The following ERN1 variants were observed in gnomAD, a reference collection of about 807,000 sequenced individuals.
ERN1 encodes the protein serine/threonine-protein kinase/endoribonuclease IRE1.
ERN1 carries 39 observed loss-of-function variants against 113.1 expected under a neutral mutation model. The ratio of observed to expected loss-of-function variants is 0.34; its 90% CI spans 0.27 to 0.45. The LOEUF is 0.45. Among genes scored for constraint, ERN1 ranks in the 20% least tolerant of loss-of-function variants. ERN1 has a pLI of 1.00. For synonymous variants in ERN1, 507 were observed against 515.9 expected, an observed-to-expected ratio of 0.98 and a Z score of 0.23; for missense variants, 976 against 1,274.8, an observed-to-expected ratio of 0.77 and a Z score of 3.57.
intron 7 of ERN1, among the ~76,000 whole-genome samples, chr17:64,067,317 T>C (rs1177538258): frequency 6.6e-6 from 1 of 150,782 alleles, no homozygotes; most frequent in Non-Finnish European, 1.5e-5. Context: ...GGGACAGCTG[T>C]GGTGGCTCAT....
chr17:64,046,881 A>G (rs747753636), intron 19 of ERN1, among the ~76,000 whole-genome samples: 2 of 152,260 alleles, frequency 1.3e-5, no homozygotes, highest in Non-Finnish European at 1.5e-5. Context: ...CAATTCATAC[A>G]TGGAAGACTT....
In ERN1 at chr17:64,044,357, C is replaced by A. The variant is rs1189459679; in HGVS notation, c.2722-157G>T. Among the ~76,000 whole-genome samples, 3 of 152,220 alleles carry A rather than the reference C, an allele frequency of 2.0e-5. No homozygotes were observed. Among genetic ancestry groups the A allele is most frequent in the African/African-American group, 7.2e-5 (3 of 41,448 alleles). On this transcript the variant is annotated intron_variant, in intron 21 of 21. Coordinates refer to ENST00000433197, the MANE Select transcript of ERN1 (RefSeq NM_001433.5). The surrounding 1 kb of genome is among the most constrained non-coding windows in gnomAD (Gnocchi z 4.1). ...AAGGCTTATGTATCCAAGAATCCAG[C>A]CCCGTCATCTCGCCTGCTACCCTCA...
chr17:64,073,735 C>A (rs544090192), intron 5 of ERN1, among the ~76,000 whole-genome samples: 8 of 152,312 alleles, frequency 5.3e-5, no homozygotes, highest in African/African-American at 1.9e-4. Flanking sequence ...TCGTGATCTG[C>A]CCGCCTCAGC....
intron 1 of ERN1, among the ~76,000 whole-genome samples, chr17:64,103,714 A>G (rs541561075): frequency 5.3e-5 from 8 of 152,194 alleles, no homozygotes; most frequent in Non-Finnish European, 8.8e-5. Context: ...CTACTTATAT[A>G]TATTTCAGGT....
Position 64,130,136 on chromosome 17 carries a change from C to T in ERN1, c.-107G>A, listed in dbSNP as rs994435609. On this transcript the variant is annotated 5_prime_UTR_variant, in exon 1 of 22. Coordinates refer to ENST00000433197, the MANE Select transcript of ERN1 (RefSeq NM_001433.5). The surrounding 1 kb of genome is among the most constrained non-coding windows in gnomAD (Gnocchi z 4.0). ...CGAGCCTCAGCGGACGCAGAACTGA[C>T]TAGGCAGCGGCGGCACCCCCATTCC... is the stretch of plus-strand genomic sequence containing the variant. 22 of 1,057,256 alleles carry T rather than the reference C, an allele frequency of 2.1e-5. No homozygotes were observed. Among genetic ancestry groups the T allele is most frequent in the Non-Finnish European group, 2.2e-5 (18 of 818,344 alleles). The allele number at this position is 1,057,256 out of a possible 1,614,324, so 65.5% of individuals were successfully genotyped here.
At position 64,044,940 on chromosome 17, in the gene ERN1, T is replaced by C. The variant is rs1323217936; in HGVS notation, c.2654-13A>G. 1 of 1,568,110 alleles carries C rather than the reference T, an allele frequency of 6.4e-7. No homozygotes were observed. The highest frequency in any genetic ancestry group is 1.4e-5 in the African/African-American group (1 of 74,036). ...AATTTACGCAGGTCTAGAAAAACAT[T>C]GAGGGAAGCAATGGGTAATCAAATT... On this transcript the variant is annotated splice_polypyrimidine_tract_variant and intron_variant, in intron 20 of 21. Transcript: ENST00000433197. The surrounding 1 kb of genome is among the most constrained non-coding windows in gnomAD (Gnocchi z 4.1).
chr17:64,060,525 G>C lies in ERN1; in HGVS notation c.1150C>G (p.Pro384Ala), dbSNP rs1458339528. The C allele has an allele frequency of 1.9e-5, 31 of 1,613,848 alleles. No individual in the cohort carries two copies. The highest frequency in any genetic ancestry group is 2.3e-5 in the Non-Finnish European group (27 of 1,179,852). The change falls in exon 11 of 22, where the codon CCC becomes GCC. Residue 384 changes from proline to alanine, a missense_variant. This residue lies in a region of ERN1 where 459 missense variants were observed against 581.2 expected (regional missense o/e 0.79). Coordinates refer to ENST00000433197, the MANE Select transcript of ERN1 (RefSeq NM_001433.5). ...GGAATCACATTTTCCCGATGTTTGG[G>C]TAGATTGTTGGGAAATCTCTCCAGC... is the stretch of plus-strand genomic sequence containing the variant. Reference protein sequence around the residue: ...KMLERFPNNLPKHRENVIPAD... With the variant: ...KMLERFPNNLAKHRENVIPAD...
At chr17:64,056,825 G>A (rs1598049738) in intron 12 of ERN1, among the ~76,000 whole-genome samples, 1 of 152,284 alleles carries the variant, frequency 6.6e-6, no homozygotes, top group Middle Eastern at 3.4e-3. Context: ...CAATAATAAT[G>A]ACCTCATAGG....
At chr17:64,081,893 T>C (rs1913778940) in intron 2 of ERN1, among the ~76,000 whole-genome samples, 1 of 152,168 alleles carries the variant, frequency 6.6e-6, no homozygotes, top group South Asian at 2.1e-4. Flanking sequence ...ACAGCAGCAC[T>C]GTGTAGTGAC....
In ERN1 at chr17:64,059,851, T is replaced by A. The variant is rs1385254910; in HGVS notation, c.1206+618A>T. ...AGATCTCATCACTTCTTCAACAATT[T>A]TTTTTTTTTTTTTTTTTTTTTTAGC... is the stretch of plus-strand genomic sequence containing the variant. On this transcript the variant is annotated intron_variant, in intron 11 of 21. Coordinates refer to ENST00000433197, the MANE Select transcript of ERN1 (RefSeq NM_001433.5). Among the ~76,000 whole-genome samples the A allele has an allele frequency of 7.0e-4, 3 of 4,286 alleles. No individual in the cohort carries two copies. The East Asian group carries it at 0.047, about 67-fold the overall frequency. 2.8% of individuals were successfully genotyped at this position (4,286 alleles called of 152,430 possible). A position where few individuals can be genotyped will look rare whatever the true frequency, so the allele number is the denominator to read the frequency against.
In ERN1 at chr17:64,057,912, G is replaced by C. The variant is rs1340532866; in HGVS notation, c.1288C>G (p.Pro430Ala). ...TCCACGGGGGCCTCGGGCCGGGCAG[G>C]GGCATGGGCGGGCTTCTCCTCCACA... ...RDVEEKPAHA[P>A]ARPEAPVDSM... The change falls in exon 12 of 22, where the codon CCT becomes GCT. Residue 430 changes from proline (P) to alanine (A), a missense_variant. Coordinates refer to ENST00000433197, the MANE Select transcript of ERN1 (RefSeq NM_001433.5). 6.2e-7 allele frequency: 1 copy of C among 1,611,946 alleles called. No homozygotes were observed. Among genetic ancestry groups the C allele is most frequent in the Non-Finnish European group, 8.5e-7 (1 of 1,179,056 alleles).
At chr17:64,105,410 A>AT (rs1914497790) in intron 1 of ERN1, among the ~76,000 whole-genome samples, 1 of 152,098 alleles carries the variant, frequency 6.6e-6, no homozygotes, top group Non-Finnish European at 1.5e-5. Flanking sequence ...AATAATAATA[A>AT]TAAAAAAAAG....
chr17:64,098,246 A>T lies in ERN1; in HGVS notation c.55-5T>A. On this transcript the variant is annotated splice_polypyrimidine_tract_variant and splice_region_variant and intron_variant, in intron 1 of 21. Coordinates refer to ENST00000433197, the MANE Select transcript of ERN1 (RefSeq NM_001433.5). ...TGTGCTGGTACTTCCAAAAATCTGC[A>T]ACGAGATGTAGAAGACTCTTAATGT... The T allele has an allele frequency of 1.9e-6, 3 of 1,613,956 alleles. No individual in the cohort carries two copies. The highest frequency in any genetic ancestry group is 2.5e-6 in the Non-Finnish European group (3 of 1,179,864).
intron 1 of ERN1, among the ~76,000 whole-genome samples, chr17:64,113,166 A>G (rs1207728573): frequency 6.6e-6 from 1 of 152,162 alleles, no homozygotes; most frequent in Non-Finnish European, 1.5e-5. Context: ...GCAGTGACCT[A>G]TATGTTTAAG....
intron 1 of ERN1, among the ~76,000 whole-genome samples, chr17:64,102,404 G>A (rs892130303): frequency 2.0e-5 from 3 of 152,178 alleles, no homozygotes; most frequent in African/African-American, 7.2e-5. Flanking sequence ...CAATCACAAT[G>A]TCTACAGAAA....
intron 10 of ERN1, among the ~76,000 whole-genome samples, chr17:64,062,326 G>A (rs1014969079): frequency 2.0e-5 from 3 of 152,196 alleles, no homozygotes; most frequent in Admixed American, 6.5e-5. Context: ...ATGACAACCT[G>A]GAATATCTTT....
chr17:64,108,740 C>G (rs895209563), intron 1 of ERN1, among the ~76,000 whole-genome samples: 2 of 152,148 alleles, frequency 1.3e-5, no homozygotes, highest in African/African-American at 4.8e-5. Flanking sequence ...GCCTGACAGA[C>G]TATAAATTTG....
rs531057453 is a variant in ERN1, at chr17:64,044,293, C to G, written c.2722-93G>C. The G allele has an allele frequency of 2.3e-6, 2 of 887,186 alleles. No individual in the cohort carries two copies. The allele number at this position is 887,186 out of a possible 1,614,324, so 55.0% of individuals were successfully genotyped here. A position where few individuals can be genotyped will look rare whatever the true frequency, so the allele number is the denominator to read the frequency against. ...ACCCTTTCATCATGCAAGGAAGAGACAGAATGTGAGTGTTGGTTTTTGGTA... is the reference window on the plus strand; with the variant it reads ...ACCCTTTCATCATGCAAGGAAGAGAGAGAATGTGAGTGTTGGTTTTTGGTA... On this transcript the variant is annotated intron_variant, in intron 21 of 21. Transcript: ENST00000433197. The surrounding 1 kb of genome is among the most constrained non-coding windows in gnomAD (Gnocchi z 4.1).
chr17:64,073,393 T>C (rs1913489468), intron 5 of ERN1, among the ~76,000 whole-genome samples: 1 of 148,412 alleles, frequency 6.7e-6, no homozygotes, highest in African/African-American at 2.5e-5. Context: ...GTCAGGATGG[T>C]CTCCATCTCC....
Sources: allele counts gnomAD v4.1 joint callset (sites outside exome capture counted in the v4.1 genomes callset), GRCh38; gene constraint gnomAD v4.1.1; regional missense constraint gnomAD v4.1.1; non-coding constraint Gnocchi (gnomAD v3.1); transcripts MANE v1.5; gene names NCBI Gene and HGNC (gene_info 2026-07-23, HGNC 2026-07-21).